Variants in F8 observed in about 807,000 individuals in gnomAD.
The protein encoded by F8 is antihemophilic factor.
F8 carries 12 observed loss-of-function variants against 140.6 expected under a neutral mutation model. The observed-to-expected ratio is 0.09, with a 90% confidence interval of 0.05 to 0.14. The LOEUF (loss-of-function observed/expected upper bound fraction) is 0.14, where lower values mean the gene tolerates loss of function less well. Among genes scored for constraint, F8 ranks in the 10% least tolerant of loss-of-function variants. The probability of loss-of-function intolerance (pLI) is 1.00; values close to 1 mark genes in which losing one functional copy is unlikely to be tolerated. For synonymous variants in F8, 585 were observed against 614.6 expected (o/e 0.95, Z 0.71); for missense variants, 1,354 against 1,720.7 (o/e 0.79, Z 3.77).
At chrX:154,932,716 G>C (rs1312198753) in intron 13 of F8, among the ~76,000 whole-genome samples, 1 of 111,400 alleles carries the variant, frequency 9.0e-6, no homozygotes, top group Non-Finnish European at 1.9e-5. Context: ...AAATAAAGGA[G>C]TATCTCAAAC....
intron 22 of F8, 38 bp downstream of exon 22, chrX:154,896,039 A>G: frequency 2.5e-6 from 3 of 1,183,429 alleles, no homozygotes; most frequent in Non-Finnish European, 3.4e-6. Context: ...AATTCTTTAA[A>G]GTATTCAGGC....
At chrX:154,954,443 T>C (rs370328487) in intron 11 of F8, among the ~76,000 whole-genome samples, 35 of 112,002 alleles carry the variant, frequency 3.1e-4, no homozygotes, top group African/African-American at 1.0e-3. Flanking sequence ...ATACTGACTT[T>C]CCTAAACTTC....
chrX:154,859,660 T>C (rs1557272692), intron 25 of F8, among the ~76,000 whole-genome samples: 2 of 111,390 alleles, frequency 1.8e-5, no homozygotes, highest in African/African-American at 6.5e-5. Flanking sequence ...GATATAACCT[T>C]TTTTAAATGG....
At chrX:154,985,212 G>C (rs1464068766) in intron 5 of F8, among the ~76,000 whole-genome samples, 1 of 111,466 alleles carries the variant, frequency 9.0e-6, no homozygotes, top group Non-Finnish European at 1.9e-5. Context: ...GAGGCAGGTG[G>C]ATCACTTCAG....
At chrX:154,866,391 T>G in intron 22 of F8, among the ~76,000 whole-genome samples, 1 of 111,720 alleles carries the variant, frequency 9.0e-6, no homozygotes, top group South Asian at 3.7e-4. Context: ...ATAGACCCAA[T>G]GGACCTAAAA....
intron 25 of F8, among the ~76,000 whole-genome samples, chrX:154,846,832 T>C (rs2072570521): frequency 8.9e-6 from 1 of 111,890 alleles, no homozygotes; most frequent in Non-Finnish European, 1.9e-5. Flanking sequence ...CATTATGATG[T>C]TAGCTGGTTA....
intron 22 of F8, among the ~76,000 whole-genome samples, chrX:154,880,154 TCAAA>T: frequency 8.9e-6 from 1 of 112,149 alleles, no homozygotes; most frequent in South Asian, 3.7e-4. Flanking sequence ...AAACATCTGT[TCAAA>T]CAAACACTTG....
chrX:154,922,921 T>A (rs1329222999), intron 14 of F8, among the ~76,000 whole-genome samples: 2 of 111,857 alleles, frequency 1.8e-5, no homozygotes, highest in East Asian at 5.6e-4. Context: ...AGAACAGTGA[T>A]CAGAATTGCA....
At chrX:154,937,700 C>G (rs980787715) in intron 13 of F8, among the ~76,000 whole-genome samples, 7 of 110,423 alleles carry the variant, frequency 6.3e-5, no homozygotes, top group Non-Finnish European at 1.1e-4. Flanking sequence ...CATTAAATAC[C>G]AAAGAATACA....
intron 4 of F8, among the ~76,000 whole-genome samples, chrX:154,987,602 ACT>A (rs1557284345): frequency 8.9e-6 from 1 of 112,788 alleles, no homozygotes; most frequent in Non-Finnish European, 1.9e-5. Flanking sequence ...GCCCTCACAC[ACT>A]GTGTGATAAT....
intron 13 of F8, among the ~76,000 whole-genome samples, chrX:154,939,805 T>A (rs1423531074): frequency 8.9e-6 from 1 of 111,807 alleles, no homozygotes; most frequent in Non-Finnish European, 1.9e-5. Flanking sequence ...CAGCTACTCC[T>A]CTGAGACAAA....
chrX:154,996,658 G>T (rs187779719), intron 3 of F8, among the ~76,000 whole-genome samples: 4 of 111,129 alleles, frequency 3.6e-5, no homozygotes, highest in Admixed American at 9.6e-5. Flanking sequence ...AGTATATTCA[G>T]AAAAGCAATT....
intron 25 of F8, among the ~76,000 whole-genome samples, chrX:154,850,083 TTGTGTGTGTGTGTGTG>T (rs60052978): frequency 9.4e-5 from 9 of 96,072 alleles, no homozygotes; most frequent in Non-Finnish European, 1.3e-4. Flanking sequence ...CAGGCTTGTT[TTGTGTGTGTGTGTGTG>T]TGTGTGTGTG....
At chrX:154,967,792 G>A (rs1334850998) in intron 7 of F8, among the ~76,000 whole-genome samples, 1 of 111,749 alleles carries the variant, frequency 8.9e-6, no homozygotes, top group Non-Finnish European at 1.9e-5. Context: ...TCAACTTCCT[G>A]TTACTCATTC....
At chrX:154,933,776 G>A (rs1569559693) in intron 13 of F8, among the ~76,000 whole-genome samples, 1 of 112,223 alleles carries the variant, frequency 8.9e-6, no homozygotes, top group Non-Finnish European at 1.9e-5. Context: ...AACACAAGAA[G>A]GCACAGCTTC....
At chrX:154,848,492 G>A (rs1278088511) in intron 25 of F8, among the ~76,000 whole-genome samples, 1 of 112,651 alleles carries the variant, frequency 8.9e-6, no homozygotes, top group Non-Finnish European at 1.9e-5. Context: ...AATGGCGGGT[G>A]CCCCTCTCCC....
intron 1 of F8, among the ~76,000 whole-genome samples, chrX:155,020,929 C>T (rs2073757208): frequency 8.9e-6 from 1 of 112,015 alleles, no homozygotes; most frequent in Admixed American, 9.5e-5. Context: ...GAAATTAAAA[C>T]TTAGAAGGAA....
intron 25 of F8, among the ~76,000 whole-genome samples, chrX:154,842,870 A>T (rs1359920185): frequency 9.0e-6 from 1 of 111,494 alleles, no homozygotes; most frequent in East Asian, 2.8e-4. Flanking sequence ...ATATGTATAC[A>T]TGTGCCATGT....
At chrX:154,913,906 C>T (rs1298074723) in intron 14 of F8, among the ~76,000 whole-genome samples, 1 of 112,688 alleles carries the variant, frequency 8.9e-6, no homozygotes, top group Non-Finnish European at 1.9e-5. Context: ...GCCCTCTTCT[C>T]ACAGCTCCAC....
Sources: gnomAD v4.1 joint callset for allele counts (sites outside exome capture counted in the v4.1 genomes callset) on GRCh38, gnomAD v4.1.1 for gene constraint, MANE v1.5 for transcripts, NCBI Gene and HGNC (gene_info 2026-07-23, HGNC 2026-07-21) for gene names.